The following SGCD variants were observed in gnomAD, a reference collection of about 807,000 sequenced individuals.
SGCD encodes the protein sarcoglycan delta, also known as delta-sarcoglycan.
A neutral mutation model predicts 36.6 loss-of-function variants in SGCD; 18 were observed. The observed-to-expected ratio is 0.49, with a 90% confidence interval of 0.34 to 0.73. The LOEUF is 0.73. SGCD is among the 30% of genes least tolerant of loss of function. The pLI is 0.01. For missense variants in SGCD, 387 were observed against 346.7 expected (o/e 1.12, Z -0.92); for synonymous variants, 133 against 130.6 (o/e 1.02, Z -0.12).
At chr5:156,554,434 T>G (rs1196853895) in intron 4 of SGCD, among the ~76,000 whole-genome samples, 1 of 151,604 alleles carries the variant, frequency 6.6e-6, no homozygotes, top group Admixed American at 6.6e-5. Flanking sequence ...ATAATCTATT[T>G]TGTCATTATT....
chr5:156,384,748 A>G (rs765358766), intron 3 of SGCD, among the ~76,000 whole-genome samples: 2 of 152,196 alleles, frequency 1.3e-5, no homozygotes, highest in Non-Finnish European at 2.9e-5. Context: ...TAAGAATTCT[A>G]GACTCTAGGG....
At chr5:155,808,572 C>A in the SGCD span, among the ~76,000 whole-genome samples, 109 of 152,238 alleles carry the variant, frequency 7.2e-4, no homozygotes, top group African/African-American at 2.5e-3. Flanking sequence ...TGGCATTGGG[C>A]AAACTATTGC....
chr5:156,541,183 G>A (rs1270909258), intron 4 of SGCD, among the ~76,000 whole-genome samples: 1 of 152,190 alleles, frequency 6.6e-6, no homozygotes, highest in East Asian at 1.9e-4. Context: ...TATTAGATGA[G>A]TAGTAACACA....
intron 3 of SGCD, among the ~76,000 whole-genome samples, chr5:156,425,156 T>A (rs1773619139): frequency 6.6e-6 from 1 of 152,082 alleles, no homozygotes; most frequent in South Asian, 2.1e-4. Context: ...ACGTTAACTC[T>A]TTTCTTGCCC....
At chr5:156,393,519 T>G (rs1437211127) in intron 3 of SGCD, among the ~76,000 whole-genome samples, 1 of 152,234 alleles carries the variant, frequency 6.6e-6, no homozygotes, top group Non-Finnish European at 1.5e-5. Flanking sequence ...TTGCTGTGAT[T>G]TAGTTTATTG....
intron 4 of SGCD, among the ~76,000 whole-genome samples, chr5:156,551,948 G>T (rs1046145982): frequency 6.6e-6 from 1 of 152,096 alleles, no homozygotes; most frequent in Admixed American, 6.5e-5. Flanking sequence ...CTGAAAAAAT[G>T]GGGTTCTTGT....
chr5:155,976,253 C>T (rs1312381626), intron 1 of SGCD, among the ~76,000 whole-genome samples: 2 of 152,096 alleles, frequency 1.3e-5, no homozygotes, highest in African/African-American at 2.4e-5. Context: ...AGGTCTGAAG[C>T]TCAAAGTAAG....
At chr5:155,762,892 G>A in the SGCD span, among the ~76,000 whole-genome samples, 1 of 152,122 alleles carries the variant, frequency 6.6e-6, no homozygotes, top group Non-Finnish European at 1.5e-5. Context: ...AGTACCCTGG[G>A]TAGGTTAAGT....
Position 156,566,503 on chromosome 5 carries a change from G to A in SGCD, c.295-22728G>A, listed in dbSNP as rs549950807. 6.7e-5 allele frequency among the ~76,000 whole-genome samples: 10 copies of A among 150,226 alleles called. No homozygotes were observed. The South Asian group carries it at 1.9e-3, about 28-fold the overall frequency. ...GTCTGTGGTCTTCCATCCTTTACTT[G>A]AATGCCCTGTCACCTGCTTTCCCAA... On this transcript the variant is annotated intron_variant, in intron 4 of 8. Coordinates refer to ENST00000337851, the MANE Select transcript of SGCD (RefSeq NM_000337.6).
At chr5:155,771,881 A>G in the SGCD span, among the ~76,000 whole-genome samples, 1 of 152,156 alleles carries the variant, frequency 6.6e-6, no homozygotes, top group Non-Finnish European at 1.5e-5. Flanking sequence ...CTAATGCACT[A>G]TAATGTTGAT....
At chr5:156,609,925 T>A (rs1172199943) in intron 6 of SGCD, among the ~76,000 whole-genome samples, 1 of 152,200 alleles carries the variant, frequency 6.6e-6, no homozygotes, top group Non-Finnish European at 1.5e-5. Flanking sequence ...TCTGCATTGG[T>A]TATTCTAGTT....
At chr5:156,564,261 A>G (rs759190083) in intron 4 of SGCD, among the ~76,000 whole-genome samples, 1 of 152,144 alleles carries the variant, frequency 6.6e-6, no homozygotes, top group Non-Finnish European at 1.5e-5. Flanking sequence ...CATCTTGGCT[A>G]ACATGGTGAA....
intron 3 of SGCD, among the ~76,000 whole-genome samples, chr5:156,450,615 A>C (rs1414307047): frequency 1.3e-5 from 2 of 151,980 alleles, no homozygotes; most frequent in Admixed American, 1.3e-4. Context: ...TTCCAGATTA[A>C]GAGATTCAAT....
At chr5:156,393,095 C>T (rs192153396) in intron 3 of SGCD, among the ~76,000 whole-genome samples, 1 of 152,320 alleles carries the variant, frequency 6.6e-6, no homozygotes, top group Non-Finnish European at 1.5e-5. Context: ...CTTCCCTGCC[C>T]CGCTTCCATA....
intron 3 of SGCD, among the ~76,000 whole-genome samples, chr5:156,135,224 G>T (rs1289918156): frequency 6.6e-6 from 1 of 151,862 alleles, no homozygotes; most frequent in Non-Finnish European, 1.5e-5. Context: ...AGTTGTTTTT[G>T]GTTTGGGTTT....
At chr5:155,991,755 A>G (rs1157455162) in intron 1 of SGCD, among the ~76,000 whole-genome samples, 3 of 152,202 alleles carry the variant, frequency 2.0e-5, no homozygotes, top group East Asian at 1.9e-4. Context: ...GATGCAGATT[A>G]TGGTATATTT....
intron 3 of SGCD, among the ~76,000 whole-genome samples, chr5:156,270,012 A>C (rs112656381): frequency 0.028 from 4,300 of 152,310 alleles, 81 homozygotes; most frequent in Non-Finnish European, 0.039. Context: ...TTTGGGTTTT[A>C]CATTTAAGTC....
intron 3 of SGCD, among the ~76,000 whole-genome samples, chr5:156,275,628 G>A (rs1766299003): frequency 6.6e-6 from 1 of 152,118 alleles, no homozygotes; most frequent in Admixed American, 6.6e-5. Context: ...GCTTCAGTAT[G>A]TACTAAGTTC....
intron 3 of SGCD, among the ~76,000 whole-genome samples, chr5:156,232,834 A>C (rs771283111): frequency 3.3e-5 from 5 of 152,150 alleles, no homozygotes; most frequent in African/African-American, 1.2e-4. Context: ...CCTGCTGTAC[A>C]TTCCCCTACT....
Sources: gnomAD v4.1 joint callset for allele counts (sites outside exome capture counted in the v4.1 genomes callset) on GRCh38, gnomAD v4.1.1 for gene constraint, MANE v1.5 for transcripts, NCBI Gene and HGNC (gene_info 2026-07-23, HGNC 2026-07-21) for gene names.